The following ATP2B2 variants were observed in gnomAD, a reference collection of about 807,000 sequenced individuals.
The protein encoded by ATP2B2 is ATPase plasma membrane Ca2+ transporting 2.
Under a neutral mutation model 120.0 loss-of-function variants are expected in ATP2B2, and 15 were observed. The observed-to-expected ratio is 0.12, with a 90% CI of 0.08 to 0.19. ATP2B2 has a LOEUF of 0.19. Ranked by LOEUF, ATP2B2 falls within the 10% of genes least tolerant of loss-of-function variation. ATP2B2 has a pLI of 1.00. For synonymous variants in ATP2B2, 694 were observed against 700.3 expected (o/e 0.99, Z 0.14); for missense variants, 1,045 against 1,719.8 (o/e 0.61, Z 6.94).
intron 1 of ATP2B2, among the ~76,000 whole-genome samples, chr3:10,454,744 T>C (rs1034911419): frequency 2.0e-5 from 3 of 152,354 alleles, no homozygotes; most frequent in East Asian, 3.9e-4. Flanking sequence ...GAGGACCCCA[T>C]AGTTTGCCTA....
At chr3:10,449,946 C>A (rs78119290) in intron 1 of ATP2B2, 84 bp from the exon 2 acceptor site, 3 of 344,186 alleles carry the variant, frequency 8.7e-6, no homozygotes, top group Admixed American at 4.0e-5. Context: ...CCCAGGCACA[C>A]GCACAGCAAC....
chr3:10,581,955 C>G (rs988728422), intron 2 of ATP2B2, among the ~76,000 whole-genome samples: 5 of 152,198 alleles, frequency 3.3e-5, no homozygotes, highest in African/African-American at 1.2e-4. Flanking sequence ...ATATCAGCTC[C>G]CAACTTTTTC....
At chr3:10,698,357 T>C (rs2071770299) in intron 1 of ATP2B2, among the ~76,000 whole-genome samples, 1 of 152,258 alleles carries the variant, frequency 6.6e-6, no homozygotes, top group South Asian at 2.1e-4. Flanking sequence ...AGAAGGACCA[T>C]GGGTTTTGAT....
At chr3:10,698,069 T>A (rs1474303094) in intron 1 of ATP2B2, among the ~76,000 whole-genome samples, 1 of 152,182 alleles carries the variant, frequency 6.6e-6, no homozygotes, top group Non-Finnish European at 1.5e-5. Context: ...CTGTGTCAGT[T>A]TCTGCCTGTG....
chr3:10,356,510 C>A (rs1438857338), intron 14 of ATP2B2, among the ~76,000 whole-genome samples: 2 of 152,184 alleles, frequency 1.3e-5, no homozygotes, highest in Admixed American at 1.3e-4. Flanking sequence ...TTTACTGAGT[C>A]ATGACATAAA....
rs571423345 is a variant in ATP2B2 at position 10,396,380 on chromosome 3, C to G, written c.781+4573G>C. 9.8e-5 allele frequency among the ~76,000 whole-genome samples: 15 copies of G among 152,362 alleles called. No homozygotes were observed. The South Asian group carries it at 3.1e-3, about 32-fold the overall frequency. On this transcript the variant is annotated intron_variant, in intron 5 of 22. Coordinates refer to ENST00000360273, the MANE Select transcript of ATP2B2 (RefSeq NM_001001331.4). ...GACCTGTCCAGGGTCACAGGCCAAG[C>G]ATGGTTGGACCAACTGACCAGAGCG...
rs930210478 is a variant in ATP2B2 at position 10,343,401 on chromosome 3, A to T, written c.2704-436T>A. 4.0e-5 allele frequency among the ~76,000 whole-genome samples: 1 copy of T among 25,120 alleles called. No individual in the cohort carries two copies. 16.5% of individuals were successfully genotyped at this position (25,120 alleles called of 152,430 possible). A position where few individuals can be genotyped will look rare whatever the true frequency, so the allele number is the denominator to read the frequency against. ...ATCCTACAAACAGTGCCCGTCCCCC[A>T]CCCCCCCAATGTCTCCTCCCCTCTT... On this transcript the variant is annotated intron_variant, in intron 18 of 22. Transcript: ENST00000360273. This position sits in a 1 kb window ranked among gnomAD's most constrained non-coding sequence, Gnocchi z 4.2.
chr3:10,435,989 G>C (rs2063468731), intron 2 of ATP2B2, among the ~76,000 whole-genome samples: 1 of 152,210 alleles, frequency 6.6e-6, no homozygotes. Context: ...CCCCAACTGG[G>C]AAGAGTCTTG....
At chr3:10,354,390 A>G (rs1336405701) in intron 14 of ATP2B2, among the ~76,000 whole-genome samples, 1 of 152,226 alleles carries the variant, frequency 6.6e-6, no homozygotes, top group African/African-American at 2.4e-5. Flanking sequence ...TTTGGGAAAA[A>G]ATGACTTCTC....
intron 2 of ATP2B2, among the ~76,000 whole-genome samples, chr3:10,441,639 CACA>C (rs1196543680): frequency 6.6e-6 from 1 of 152,256 alleles, no homozygotes; most frequent in East Asian, 1.9e-4. Flanking sequence ...GTAGCCACAT[CACA>C]CAGACACTGC....
intron 2 of ATP2B2, among the ~76,000 whole-genome samples, chr3:10,557,939 C>T (rs1447090541): frequency 6.8e-6 from 1 of 145,994 alleles, no homozygotes; most frequent in Admixed American, 7.1e-5. Flanking sequence ...TGTGGGGATG[C>T]ATCTTGGTCA....
chr3:10,472,990 A>G (rs1415266673), intron 1 of ATP2B2, among the ~76,000 whole-genome samples: 1 of 152,188 alleles, frequency 6.6e-6, no homozygotes, highest in Non-Finnish European at 1.5e-5. Context: ...CCAAGATCTG[A>G]TCTAAGCCTG....
At chr3:10,498,634 A>G (rs1019507262) in intron 1 of ATP2B2, among the ~76,000 whole-genome samples, 1 of 152,246 alleles carries the variant, frequency 6.6e-6, no homozygotes, top group Admixed American at 6.5e-5. Flanking sequence ...ATGGCCCGGT[A>G]GAGTAGCCCA....
Position 10,368,685 on chromosome 3 carries a change from C to T in ATP2B2, c.1659+3124G>A, listed in dbSNP as rs559885419. On this transcript the variant is annotated intron_variant, in intron 12 of 22. Transcript: ENST00000360273. ...CCATCCACCCATCCATCCACCTAACCGCCATCCATCTGTCCATCCACCCAT... is the reference window on the plus strand; with the variant it reads ...CCATCCACCCATCCATCCACCTAACTGCCATCCATCTGTCCATCCACCCAT... Among the ~76,000 whole-genome samples the T allele has an allele frequency of 1.4e-4, 22 of 151,742 alleles. No individual in the cohort carries two copies. In the South Asian group the frequency reaches 3.6e-3, roughly 25 times the overall value.
intron 2 of ATP2B2, among the ~76,000 whole-genome samples, chr3:10,544,868 G>A (rs948997048): frequency 2.6e-5 from 4 of 152,076 alleles, no homozygotes; most frequent in African/African-American, 4.8e-5. Flanking sequence ...GTTTCCACCC[G>A]CCCCTTCCAG....
intron 3 of ATP2B2, among the ~76,000 whole-genome samples, chr3:10,510,721 G>A (rs528015689): frequency 6.6e-6 from 1 of 152,208 alleles, no homozygotes; most frequent in African/African-American, 2.4e-5. Flanking sequence ...CTGGAAGAAC[G>A]CAGAGCTTGG....
At chr3:10,590,289 T>C (rs2068611944) in intron 2 of ATP2B2, among the ~76,000 whole-genome samples, 1 of 152,156 alleles carries the variant, frequency 6.6e-6, no homozygotes, top group African/African-American at 2.4e-5. Context: ...GACCACAAAG[T>C]GACGAGGGGT....
At chr3:10,624,423 G>A (rs1044746007) in intron 1 of ATP2B2, among the ~76,000 whole-genome samples, 8 of 152,180 alleles carry the variant, frequency 5.3e-5, no homozygotes, top group Non-Finnish European at 1.0e-4. Flanking sequence ...TCCCTGTGTT[G>A]CATTGGTGGG....
intron 3 of ATP2B2, among the ~76,000 whole-genome samples, chr3:10,512,168 G>A (rs1393870590): frequency 6.6e-6 from 1 of 152,114 alleles, no homozygotes; most frequent in Non-Finnish European, 1.5e-5. Context: ...GATATGCATT[G>A]TCTTCCCTGA....
Sources: gnomAD v4.1 joint callset for allele counts (sites outside exome capture counted in the v4.1 genomes callset) on GRCh38, gnomAD v4.1.1 for gene constraint, Gnocchi (gnomAD v3.1) non-coding constraint, MANE v1.5 for transcripts, NCBI Gene and HGNC (gene_info 2026-07-23, HGNC 2026-07-21) for gene names.